Variants in ZC3H3 observed in about 807,000 individuals in gnomAD.
The protein encoded by ZC3H3 is zinc finger CCCH domain-containing protein 3.
ZC3H3 carries 36 observed loss-of-function variants against 77.3 expected under a neutral mutation model. That is an observed-to-expected ratio of 0.47 (90% CI 0.36 to 0.61). The LOEUF (loss-of-function observed/expected upper bound fraction) is 0.61. ZC3H3 is among the 20% of genes least tolerant of loss of function. The pLI is 0.00. For synonymous variants in ZC3H3, 626 were observed against 555.2 expected (o/e 1.13, Z -1.79); for missense variants, 1,331 against 1,312.2 (o/e 1.01, Z -0.22).
chr8:143,473,239 C>T (rs1010657753), intron 5 of ZC3H3, among the ~76,000 whole-genome samples: 20 of 152,148 alleles, frequency 1.3e-4, no homozygotes, highest in Admixed American at 3.9e-4. Context: ...CAGGGTCCTG[C>T]GATGCCTCAC....
chr8:143,537,937 T>C (rs937694783), intron 2 of ZC3H3, 66 bp downstream of exon 2: 36 of 1,436,034 alleles, frequency 2.5e-5, no homozygotes, highest in Non-Finnish European at 3.1e-5. Flanking sequence ...GCAGATCCAT[T>C]AGGGGTGCCA....
chr8:143,485,133 G>A (rs950531617), intron 4 of ZC3H3, among the ~76,000 whole-genome samples: 2 of 152,216 alleles, frequency 1.3e-5, no homozygotes, highest in African/African-American at 2.4e-5. Context: ...TCTACAGCAG[G>A]GGCGCCGGGC....
chr8:143,499,411 G>A (rs547567001), intron 4 of ZC3H3, among the ~76,000 whole-genome samples: 1 of 152,132 alleles, frequency 6.6e-6, no homozygotes, highest in South Asian at 2.1e-4. Context: ...CCCCCTCTGT[G>A]CTCTGGCCCT....
At chr8:143,497,627 G>A (rs1242703344) in intron 4 of ZC3H3, among the ~76,000 whole-genome samples, 1 of 152,212 alleles carries the variant, frequency 6.6e-6, no homozygotes, top group Non-Finnish European at 1.5e-5. Context: ...GAGCACAGAC[G>A]CAATGCTGCG....
chr8:143,526,374 G>C (rs1822413156), intron 3 of ZC3H3, among the ~76,000 whole-genome samples: 1 of 152,248 alleles, frequency 6.6e-6, no homozygotes, highest in African/African-American at 2.4e-5. Flanking sequence ...CTGCGGGCAG[G>C]AGACACTGGC....
intron 9 of ZC3H3, among the ~76,000 whole-genome samples, chr8:143,456,434 T>C (rs1423562613): frequency 6.6e-6 from 1 of 152,100 alleles, no homozygotes; most frequent in Admixed American, 6.5e-5. Flanking sequence ...ATGACACATA[T>C]ATACATTTAA....
At chr8:143,511,243 CA>C (rs1287749115) in intron 3 of ZC3H3, among the ~76,000 whole-genome samples, 1 of 152,168 alleles carries the variant, frequency 6.6e-6, no homozygotes, top group Non-Finnish European at 1.5e-5. Flanking sequence ...GCCCGGCCAT[CA>C]GGGGTCCAGG....
At chr8:143,491,831 G>T (rs968669381) in intron 4 of ZC3H3, among the ~76,000 whole-genome samples, 1 of 152,192 alleles carries the variant, frequency 6.6e-6, no homozygotes, top group African/African-American at 2.4e-5. Flanking sequence ...GACTCCCTCA[G>T]TCCTGCAGGC....
intron 3 of ZC3H3, among the ~76,000 whole-genome samples, chr8:143,510,182 C>T (rs1292227150): frequency 4.6e-5 from 7 of 152,258 alleles, no homozygotes; most frequent in Non-Finnish European, 1.0e-4. Context: ...CAGCGCCAGC[C>T]TCTTGTCACA....
At chr8:143,474,163 C>T (rs1291328930) in intron 5 of ZC3H3, among the ~76,000 whole-genome samples, 1 of 148,668 alleles carries the variant, frequency 6.7e-6, no homozygotes, top group African/African-American at 2.4e-5. Flanking sequence ...CAGCCCAGTC[C>T]CTCAAGGTAC....
intron 4 of ZC3H3, among the ~76,000 whole-genome samples, chr8:143,507,063 T>G (rs1427814126): frequency 6.6e-6 from 1 of 152,180 alleles, no homozygotes; most frequent in Non-Finnish European, 1.5e-5. Flanking sequence ...TCTCCCAACC[T>G]GGAGATGGGG....
intron 9 of ZC3H3, among the ~76,000 whole-genome samples, chr8:143,457,425 AAAAC>A (rs139941294): frequency 6.6e-6 from 1 of 152,294 alleles, no homozygotes; most frequent in African/African-American, 2.4e-5. Context: ...CAAGGGAAGT[AAAAC>A]AAACAAAAAA....
chr8:143,453,143 T>C (rs1430801574), intron 9 of ZC3H3, among the ~76,000 whole-genome samples: 1 of 152,208 alleles, frequency 6.6e-6, no homozygotes, highest in Non-Finnish European at 1.5e-5. Context: ...AGTGGTACAA[T>C]CATAGATCAC....
At chr8:143,449,143 G>A (rs1225229384) in intron 9 of ZC3H3, among the ~76,000 whole-genome samples, 1 of 152,222 alleles carries the variant, frequency 6.6e-6, no homozygotes, top group East Asian at 1.9e-4. Flanking sequence ...TGATGGGAGG[G>A]TCTGACATGA....
At position 143,534,748 on chromosome 8, in the gene ZC3H3, A is replaced by G. The variant is rs116632269; in HGVS notation, c.1561+1509T>C. On this transcript the variant is annotated intron_variant, in intron 3 of 11. Coordinates refer to ENST00000262577, the MANE Select transcript of ZC3H3 (RefSeq NM_015117.3). ...GACCTAACCACCATCCGGCCACCTC[A>G]CTGTGGCCACCAGGGACCGCATGGG... is the stretch of plus-strand genomic sequence containing the variant. Among the ~76,000 whole-genome samples the G allele has an allele frequency of 9.8e-3, 1,483 of 152,060 alleles. 23 individuals are homozygous for G. The highest frequency in any genetic ancestry group is 0.034 in the African/African-American group (1,404 of 41,442).
chr8:143,537,679 T>C (rs1822846748), intron 2 of ZC3H3, among the ~76,000 whole-genome samples: 1 of 152,210 alleles, frequency 6.6e-6, no homozygotes, highest in African/African-American at 2.4e-5. Flanking sequence ...GCGCCTGGCC[T>C]GGCACAAAGC....
At chr8:143,512,590 G>C (rs967201288) in intron 3 of ZC3H3, among the ~76,000 whole-genome samples, 4 of 152,160 alleles carry the variant, frequency 2.6e-5, no homozygotes, top group Non-Finnish European at 4.4e-5. Context: ...CAGGCAAGCA[G>C]GACACGGCCT....
rs1822306353 is a variant in ZC3H3 at position 143,523,222 on chromosome 8, T to C, written c.1561+13035A>G. 2.6e-6 allele frequency: 2 copies of C among 772,430 alleles called. 1 individual carries two copies. The highest frequency in any genetic ancestry group is 1.2e-4 in the South Asian group (2 of 17,168). 47.8% of individuals were successfully genotyped at this position (772,430 alleles called of 1,614,324 possible). ...GTGGGCAGACCCTGGCTGGACCACC[T>C]GGCCCCCACACCTCCCACTGCACAC... On this transcript the variant is annotated intron_variant, in intron 3 of 11. Transcript: ENST00000262577.
intron 3 of ZC3H3, among the ~76,000 whole-genome samples, chr8:143,528,964 A>C (rs556547048): frequency 6.6e-6 from 1 of 152,368 alleles, no homozygotes; most frequent in African/African-American, 2.4e-5. Context: ...AATTCCTGCA[A>C]TACAAAACAT....
Sources: allele counts gnomAD v4.1 joint callset (sites outside exome capture counted in the v4.1 genomes callset), GRCh38; gene constraint gnomAD v4.1.1; transcripts MANE v1.5; gene names NCBI Gene and HGNC (gene_info 2026-07-23, HGNC 2026-07-21).